The following CDH8 variants were observed in gnomAD, a reference collection of about 807,000 sequenced individuals.
CDH8 encodes cadherin 8, also known as cadherin-8.
In CDH8, 17 loss-of-function variants were observed where a neutral mutation model predicts 68.1. That is an observed-to-expected ratio of 0.25 (90% CI 0.17 to 0.37). The LOEUF (loss-of-function observed/expected upper bound fraction) is 0.37, where lower values mean the gene tolerates loss of function less well. Among genes scored for constraint, CDH8 ranks in the 10% least tolerant of loss-of-function variants. The pLI, the probability that CDH8 is intolerant of heterozygous loss-of-function variation, is 1.00. For synonymous variants in CDH8, 372 were observed against 365.1 expected (o/e 1.02, Z -0.21); for missense variants, 763 against 999.3 (o/e 0.76, Z 3.19).
chr16:61,858,195 G>T (rs1963084407), intron 3 of CDH8, among the ~76,000 whole-genome samples: 1 of 152,096 alleles, frequency 6.6e-6, no homozygotes, highest in East Asian at 1.9e-4. Context: ...GCTGAATGCA[G>T]TAGCACCAAT....
chr16:61,679,636 A>G (rs530620239), intron 10 of CDH8, among the ~76,000 whole-genome samples: 2 of 152,116 alleles, frequency 1.3e-5, no homozygotes, highest in South Asian at 4.1e-4. Context: ...ATAAGATGTA[A>G]TTCAATAGTT....
intron 8 of CDH8, among the ~76,000 whole-genome samples, chr16:61,772,567 T>G (rs781094700): frequency 6.6e-6 from 1 of 152,068 alleles, no homozygotes; most frequent in Non-Finnish European, 1.5e-5. Context: ...CACTTTTAAT[T>G]GTAATTATAT....
At chr16:61,897,511 T>C (rs1202231481) in intron 3 of CDH8, among the ~76,000 whole-genome samples, 2 of 152,230 alleles carry the variant, frequency 1.3e-5, no homozygotes, top group Admixed American at 6.5e-5. Context: ...GGACTTGATG[T>C]TTGCAGATAT....
intron 3 of CDH8, among the ~76,000 whole-genome samples, chr16:61,897,242 T>G (rs1963883390): frequency 6.6e-6 from 1 of 151,994 alleles, no homozygotes; most frequent in Non-Finnish European, 1.5e-5. Flanking sequence ...TAAAGGCACT[T>G]CATTACGTAG....
chr16:62,029,658 G>A (rs1430564630), intron 1 of CDH8, among the ~76,000 whole-genome samples: 1 of 152,066 alleles, frequency 6.6e-6, no homozygotes, highest in Non-Finnish European at 1.5e-5. Flanking sequence ...AACTGTAGCC[G>A]CTCATTAAAA....
intron 2 of CDH8, among the ~76,000 whole-genome samples, chr16:61,973,941 G>T (rs11075448): frequency 6.6e-6 from 1 of 152,086 alleles, no homozygotes; most frequent in Non-Finnish European, 1.5e-5. Flanking sequence ...GGTTTGCGTT[G>T]TCAGACTCAT....
chr16:61,986,582 T>TA (rs1394059864), intron 2 of CDH8, among the ~76,000 whole-genome samples: 1 of 152,156 alleles, frequency 6.6e-6, no homozygotes, highest in African/African-American at 2.4e-5. Context: ...TCCCTGAAAT[T>TA]ATGAGAACTA....
chr16:61,858,160 TCAAA>T (rs1294403242), intron 3 of CDH8, among the ~76,000 whole-genome samples: 3 of 151,520 alleles, frequency 2.0e-5, no homozygotes, highest in South Asian at 2.1e-4. Context: ...GGAGGAAGGG[TCAAA>T]CAAATAGAGA....
Position 61,668,853 on chromosome 16 carries a change from A to G in CDH8, c.1655-13132T>C, listed in dbSNP as rs183472877. Among the ~76,000 whole-genome samples, 7 of 152,168 alleles carry G rather than the reference A, an allele frequency of 4.6e-5. No individual in the cohort carries two copies. In the East Asian group the frequency reaches 1.4e-3, roughly 30 times the overall value. The stretch of plus-strand genomic sequence containing the variant: ...TAAATATTTAAGAAACTGGAAAAAG[A>G]CAGATTAATTCATTTTGTACTTGAG... On this transcript the variant is annotated intron_variant, in intron 10 of 11. Coordinates refer to ENST00000577390, the MANE Select transcript of CDH8 (RefSeq NM_001796.5).
intron 2 of CDH8, among the ~76,000 whole-genome samples, chr16:61,921,917 G>T (rs1050532877): frequency 4.6e-5 from 7 of 152,090 alleles, no homozygotes; most frequent in African/African-American, 1.7e-4. Context: ...TGTAATCCCA[G>T]CTACTCAGGA....
intron 1 of CDH8, among the ~76,000 whole-genome samples, chr16:62,034,234 C>G (rs1902398237): frequency 6.6e-6 from 1 of 151,634 alleles, no homozygotes; most frequent in African/African-American, 2.4e-5. Context: ...CGAAGAAATC[C>G]CTGCAACACT....
intron 10 of CDH8, among the ~76,000 whole-genome samples, chr16:61,682,116 T>C (rs4426342): frequency 0.55 from 83,409 of 151,412 alleles, 23,204 homozygotes; most frequent in African/African-American, 0.6. Flanking sequence ...TATTCAATCT[T>C]TTTTTCTCTC....
intron 2 of CDH8, among the ~76,000 whole-genome samples, chr16:61,918,071 A>G (rs1283918838): frequency 5.2e-3 from 1 of 194 alleles, no homozygotes; most frequent in Non-Finnish European, 0.011. Flanking sequence ...AGTGCCAACA[A>G]CTGTACTGAG....
chr16:61,950,196 G>C (rs1964869502), intron 2 of CDH8, among the ~76,000 whole-genome samples: 1 of 152,142 alleles, frequency 6.6e-6, no homozygotes, highest in African/African-American at 2.4e-5. Context: ...AGTGATACAG[G>C]TTGTAATACA....
intron 3 of CDH8, among the ~76,000 whole-genome samples, chr16:61,900,117 G>A (rs1963942963): frequency 6.6e-6 from 1 of 152,032 alleles, no homozygotes; most frequent in African/African-American, 2.4e-5. Flanking sequence ...TGAGAACAGG[G>A]TTCTTGATCA....
At chr16:61,766,435 G>A (rs898222487) in intron 8 of CDH8, among the ~76,000 whole-genome samples, 6 of 151,812 alleles carry the variant, frequency 4.0e-5, no homozygotes, top group African/African-American at 9.7e-5. Flanking sequence ...ACTGTGAATC[G>A]CACTGTGATA....
intron 3 of CDH8, among the ~76,000 whole-genome samples, chr16:61,862,848 A>T (rs1207578993): frequency 6.6e-6 from 1 of 152,168 alleles, no homozygotes; most frequent in Admixed American, 6.5e-5. Context: ...GTGTGTGATA[A>T]ATAGGACCCT....
chr16:61,967,359 C>T (rs1965268665), intron 2 of CDH8, among the ~76,000 whole-genome samples: 1 of 152,202 alleles, frequency 6.6e-6, no homozygotes, highest in South Asian at 2.1e-4. Flanking sequence ...CACCACATTT[C>T]CTCCCAATGT....
chr16:61,848,269 G>A (rs1962858031), intron 4 of CDH8, among the ~76,000 whole-genome samples: 1 of 152,028 alleles, frequency 6.6e-6, no homozygotes, highest in Non-Finnish European at 1.5e-5. Flanking sequence ...ACGCATCCCA[G>A]TGTAATATCA....
Sources: allele counts gnomAD v4.1 joint callset (sites outside exome capture counted in the v4.1 genomes callset), GRCh38; gene constraint gnomAD v4.1.1; transcripts MANE v1.5; gene names NCBI Gene and HGNC (gene_info 2026-07-23, HGNC 2026-07-21).